The following UROS variants were observed in gnomAD, a reference collection of about 807,000 sequenced individuals.
UROS encodes uroporphyrinogen-III synthase.
In UROS, 18 loss-of-function variants were observed where a neutral mutation model predicts 33.0. The observed-to-expected ratio is 0.55, with a 90% CI of 0.38 to 0.81. The LOEUF is 0.81. Among genes scored for constraint, UROS ranks in the 30% least tolerant of loss-of-function variants. UROS has a pLI of 0.00. For missense variants in UROS, 293 were observed against 314.9 expected, an observed-to-expected ratio of 0.93 and a Z score of 0.53; for synonymous variants, 114 against 121.1, an observed-to-expected ratio of 0.94 and a Z score of 0.38.
intron 7 of UROS, among the ~76,000 whole-genome samples, chr10:125,796,451 G>A (rs1851372744): frequency 6.6e-6 from 1 of 152,200 alleles, no homozygotes; most frequent in African/African-American, 2.4e-5. Context: ...GCCTTCATTT[G>A]TACCCAGAAT....
At chr10:125,796,953 G>T (rs1208122199) in intron 7 of UROS, 2 of 651,224 alleles carry the variant, frequency 3.1e-6, no homozygotes, top group Non-Finnish European at 3.8e-6. Flanking sequence ...GAAAACTAAA[G>T]AAATAAACTG....
Position 125,812,218 on chromosome 10 carries a change from A to C in UROS, c.315T>G (p.Ser105=). ...ATTTTTACCTTGACTCCTTACCTAG[A>C]GAAGCAGTAGCATTTCCAACCACAT... ...SVYVVGNATA[S]LVSKIGLDTE... The change falls in exon 5 of 10, where the codon TCT becomes TCG. Residue 105 remains serine, a synonymous_variant. Transcript: ENST00000368797. The C allele has an allele frequency of 6.2e-7, 1 of 1,613,790 alleles. No homozygotes were observed. The highest frequency in any genetic ancestry group is 8.5e-7 in the Non-Finnish European group (1 of 1,179,874).
chr10:125,806,860 T>C (rs772016550), intron 6 of UROS, among the ~76,000 whole-genome samples: 3 of 152,194 alleles, frequency 2.0e-5, no homozygotes, highest in Non-Finnish European at 4.4e-5. Flanking sequence ...TCCCTCTTGC[T>C]CCAAGAATTT....
intron 1 of UROS, among the ~76,000 whole-genome samples, chr10:125,819,517 C>T (rs1335985950): frequency 2.6e-5 from 4 of 152,052 alleles, no homozygotes; most frequent in South Asian, 2.1e-4. Flanking sequence ...TTTTCTTCTC[C>T]TCCCTCTCTC....
intron 6 of UROS, chr10:125,803,022 C>T (rs1173161506): frequency 3.1e-6 from 5 of 1,612,812 alleles, no homozygotes; most frequent in Non-Finnish European, 4.2e-6. Context: ...TTGACTTCTT[C>T]ACCTGAGGGA....
intron 9 of UROS, chr10:125,789,285 T>G: frequency 7.2e-7 from 1 of 1,380,816 alleles, no homozygotes; most frequent in South Asian, 1.5e-5. Flanking sequence ...GTGCTCACCA[T>G]CACGGCTGTG....
At chr10:125,802,231 T>A in intron 6 of UROS, 1 of 985,530 alleles carries the variant, frequency 1.0e-6, no homozygotes, top group African/African-American at 1.7e-5. Flanking sequence ...CACACTGATG[T>A]GTGGCTCCAT....
chr10:125,808,408 G>C (rs944666342), intron 5 of UROS, among the ~76,000 whole-genome samples: 1 of 152,214 alleles, frequency 6.6e-6, no homozygotes, highest in Admixed American at 6.5e-5. Flanking sequence ...CTGTAACTCA[G>C]TTCAGGAACT....
intron 1 of UROS, among the ~76,000 whole-genome samples, chr10:125,822,447 T>C (rs568728175): frequency 1.3e-5 from 2 of 151,992 alleles, no homozygotes; most frequent in South Asian, 4.2e-4. Flanking sequence ...CTTAGCCTCC[T>C]GAGTAGCTGG....
At chr10:125,814,390 T>A (rs1853110255) in intron 4 of UROS, among the ~76,000 whole-genome samples, 1 of 152,176 alleles carries the variant, frequency 6.6e-6, no homozygotes, top group South Asian at 2.1e-4. Context: ...GTGCTTACTA[T>A]CCTGGCCTCA....
chr10:125,799,783 A>C (rs528905672), intron 6 of UROS, among the ~76,000 whole-genome samples: 2 of 152,304 alleles, frequency 1.3e-5, no homozygotes, highest in Admixed American at 1.3e-4. Flanking sequence ...GAAAGGAGAA[A>C]ATTGAAAATG....
chr10:125,807,380 T>C (rs1316246522), intron 6 of UROS, 33 bp downstream of exon 6: 2 of 1,589,010 alleles, frequency 1.3e-6, no homozygotes, highest in Admixed American at 1.7e-5. Flanking sequence ...AAAAAATAAA[T>C]GGCTTCATTT....
intron 1 of UROS, among the ~76,000 whole-genome samples, chr10:125,820,698 G>T (rs1853799437): frequency 6.6e-6 from 1 of 152,204 alleles, no homozygotes; most frequent in African/African-American, 2.4e-5. Flanking sequence ...TTTGCAGGAG[G>T]TGAAACCAAG....
intron 1 of UROS, among the ~76,000 whole-genome samples, chr10:125,820,201 C>T (rs1308765932): frequency 1.3e-5 from 2 of 152,162 alleles, no homozygotes; most frequent in Non-Finnish European, 1.5e-5. Context: ...AAGGTATTAG[C>T]TCATGCAGTT....
At chr10:125,804,259 A>G (rs1053336105) in intron 6 of UROS, among the ~76,000 whole-genome samples, 14 of 151,848 alleles carry the variant, frequency 9.2e-5, no homozygotes, top group African/African-American at 2.9e-4. Flanking sequence ...TACATAATGG[A>G]ACCTCCATAA....
At chr10:125,816,093 G>A in intron 3 of UROS, 84 bp downstream of exon 3, 1 of 1,276,228 alleles carries the variant, frequency 7.8e-7, no homozygotes, top group South Asian at 1.2e-5. Context: ...AAAATAAGAA[G>A]ACAGTAAAAT....
intron 6 of UROS, chr10:125,802,776 A>G (rs571482142): frequency 7.4e-4 from 1,051 of 1,429,594 alleles, no homozygotes; most frequent in Non-Finnish European, 9.2e-4. Context: ...AGATGGCACG[A>G]ACTCCCAGCG....
chr10:125,788,547 G>A, downstream of UROS: 3 of 1,258,822 alleles, frequency 2.4e-6, no homozygotes, highest in Non-Finnish European at 3.0e-6. Flanking sequence ...ACACAGCTTT[G>A]CACTTAAAAT....
At chr10:125,810,221 A>G (rs1852683563) in intron 5 of UROS, among the ~76,000 whole-genome samples, 1 of 152,196 alleles carries the variant, frequency 6.6e-6, no homozygotes, top group Non-Finnish European at 1.5e-5. Context: ...ATTCAAGCCA[A>G]AAGAAATGGC....
Sources: allele counts gnomAD v4.1 joint callset (sites outside exome capture counted in the v4.1 genomes callset), GRCh38; gene constraint gnomAD v4.1.1; transcripts MANE v1.5; gene names NCBI Gene and HGNC (gene_info 2026-07-23, HGNC 2026-07-21).